The following RUNX3 variants were observed in gnomAD, a reference collection of about 807,000 sequenced individuals.
RUNX3 encodes the protein runt-related transcription factor 3.
A neutral mutation model predicts 27.7 loss-of-function variants in RUNX3; 10 were observed. That is an observed-to-expected ratio of 0.36 (90% CI 0.22 to 0.61). The LOEUF (loss-of-function observed/expected upper bound fraction) is 0.61. Among genes scored for constraint, RUNX3 ranks in the 20% least tolerant of loss-of-function variants. RUNX3 has a pLI of 0.72. For synonymous variants in RUNX3, 270 were observed against 269.2 expected (o/e 1.00, Z -0.03); for missense variants, 469 against 629.5 (o/e 0.75, Z 2.73).
intron 2 of RUNX3, among the ~76,000 whole-genome samples, chr1:24,937,294 C>T (rs1641369855): frequency 6.6e-6 from 1 of 152,212 alleles, no homozygotes; most frequent in South Asian, 2.1e-4. Flanking sequence ...GCCACCACTG[C>T]CTTGAACTTC....
chr1:24,932,394 C>G (rs1641252310), upstream of RUNX3, among the ~76,000 whole-genome samples: 2 of 151,508 alleles, frequency 1.3e-5, no homozygotes, highest in Admixed American at 6.6e-5. Context: ...CTGGCAGGCA[C>G]AGTGGCGGGA....
At position 24,906,468 on chromosome 1, in the gene RUNX3, G is replaced by A. The variant is rs181018737; in HGVS notation, c.703+791C>T. 6.6e-4 allele frequency among the ~76,000 whole-genome samples: 100 copies of A among 152,334 alleles called. No homozygotes were observed. In the Middle Eastern group the frequency reaches 0.01, roughly 16 times the overall value. On this transcript the variant is annotated intron_variant, in intron 4 of 4. Coordinates refer to ENST00000308873, the MANE Select transcript of RUNX3 (RefSeq NM_004350.3). Reference sequence around the variant, plus strand: ...TGGCACCCCACTTAGCCCAAGGGCCGGCTGTGCACACAGCCTCCCATGTCC... The same window carrying A: ...TGGCACCCCACTTAGCCCAAGGGCCAGCTGTGCACACAGCCTCCCATGTCC...
At chr1:24,964,758 A>G in intron 1 of RUNX3, 2 of 1,417,334 alleles carry the variant, frequency 1.4e-6, no homozygotes, top group Non-Finnish European at 1.9e-6. Context: ...ACGAAAAAGA[A>G]AAAAGGAAAG....
At chr1:24,935,199 A>G (rs1427318764), upstream of RUNX3, among the ~76,000 whole-genome samples, 3 of 152,214 alleles carry the variant, frequency 2.0e-5, no homozygotes, top group Non-Finnish European at 4.4e-5. Flanking sequence ...GGCCTCATAC[A>G]CTAGCACCCT....
chr1:24,926,229 C>T (rs1352781486), intron 2 of RUNX3, among the ~76,000 whole-genome samples: 1 of 152,222 alleles, frequency 6.6e-6, no homozygotes, highest in Non-Finnish European at 1.5e-5. Context: ...TGACTGTCCT[C>T]TCAGGGTTGG....
chr1:24,940,434 C>A (rs966548487), intron 2 of RUNX3, among the ~76,000 whole-genome samples: 2 of 152,188 alleles, frequency 1.3e-5, no homozygotes, highest in Admixed American at 1.3e-4. Flanking sequence ...CTCTCCAAAC[C>A]TCAGTTTCCT....
intron 2 of RUNX3, among the ~76,000 whole-genome samples, chr1:24,938,807 A>G (rs1641408035): frequency 6.6e-6 from 1 of 152,028 alleles, no homozygotes; most frequent in Admixed American, 6.5e-5. Flanking sequence ...CAGCCAGAAG[A>G]CACTGCCTTG....
At chr1:24,958,040 G>A (rs912031902) in intron 2 of RUNX3, among the ~76,000 whole-genome samples, 1 of 152,250 alleles carries the variant, frequency 6.6e-6, no homozygotes, top group Non-Finnish European at 1.5e-5. Context: ...AGAAAGAGCA[G>A]GAGGGTGAGA....
rs771588241 is a variant in RUNX3 at position 24,907,333 on chromosome 1, G to A, written c.629C>T (p.Pro210Leu). 12 of 1,613,582 alleles carry A rather than the reference G, an allele frequency of 7.4e-6. No homozygotes were observed. Among genetic ancestry groups the A allele is most frequent in the East Asian group, 6.7e-5 (3 of 44,894 alleles). Residue 210 changes from proline (P) to leucine (L), a missense_variant, in exon 4 of 5, where the codon CCG (proline) becomes CTG (leucine). Around this residue, in one of 3 missense-constraint regions of RUNX3, gnomAD observed 279 missense variants for 343.0 expected, o/e 0.81. Transcript: ENST00000308873. Reference sequence around the variant, plus strand: ...TGAGCCTCGGGGGCTGGGTGTGCTCGGTGTCACCCGCATGCGCAGCCGTTC... The same window carrying A: ...TGAGCCTCGGGGGCTGGGTGTGCTCAGTGTCACCCGCATGCGCAGCCGTTC... ...DLERLRMRVT[P>L]STPSPRGSLS... is the part of the protein sequence containing the mutation.
At chr1:24,924,737 T>C (rs1158887583) in intron 2 of RUNX3, among the ~76,000 whole-genome samples, 2 of 152,226 alleles carry the variant, frequency 1.3e-5, no homozygotes, top group Non-Finnish European at 2.9e-5. Flanking sequence ...ATAACATAGT[T>C]TGCAACTGCA....
chr1:24,908,133 T>TGACACGCGGTGATCCGAACCTCTAC (rs1640714083), intron 3 of RUNX3, among the ~76,000 whole-genome samples: 3 of 84,546 alleles, frequency 3.5e-5, no homozygotes, highest in South Asian at 4.4e-4. Context: ...CAAACCTCTA[T>TGACACGCGGTGATCCGAACCTCTAC]GACACGCGGT....
At chr1:24,953,001 C>T (rs1641805895) in intron 2 of RUNX3, among the ~76,000 whole-genome samples, 1 of 151,804 alleles carries the variant, frequency 6.6e-6, no homozygotes, top group African/African-American at 2.4e-5. Flanking sequence ...AAAATTTTTA[C>T]TATCTTTCTT....
intron 2 of RUNX3, among the ~76,000 whole-genome samples, chr1:24,954,128 A>C (rs565494179): frequency 3.3e-5 from 5 of 152,384 alleles, no homozygotes; most frequent in African/African-American, 1.2e-4. Context: ...GGCCTCACAC[A>C]TGGAGGAAAG....
chr1:24,946,026 G>A (rs899224997), intron 2 of RUNX3, among the ~76,000 whole-genome samples: 1 of 152,114 alleles, frequency 6.6e-6, no homozygotes, highest in African/African-American at 2.4e-5. Context: ...GCTTTAGGGG[G>A]GTTCCCAGAA....
intron 2 of RUNX3, among the ~76,000 whole-genome samples, chr1:24,941,164 C>G (rs1176255447): frequency 6.6e-6 from 1 of 152,196 alleles, no homozygotes; most frequent in Non-Finnish European, 1.5e-5. Context: ...CTGTCCTCAT[C>G]ATGGCAACCC....
At chr1:24,941,676 C>G (rs113938719) in intron 2 of RUNX3, among the ~76,000 whole-genome samples, 15 of 152,250 alleles carry the variant, frequency 9.9e-5, no homozygotes, top group African/African-American at 3.6e-4. Flanking sequence ...CACAGCGGAT[C>G]CCAAGGGACC....
intron 3 of RUNX3, among the ~76,000 whole-genome samples, chr1:24,907,947 CTAAACCT>C (rs1640703226): frequency 2.0e-5 from 3 of 151,882 alleles, no homozygotes; most frequent in African/African-American, 7.2e-5. Flanking sequence ...ACGCGGTGAT[CTAAACCT>C]CAACCACACG....
chr1:24,908,768 C>T (rs1640740688), intron 3 of RUNX3, among the ~76,000 whole-genome samples: 1 of 152,224 alleles, frequency 6.6e-6, no homozygotes, highest in Admixed American at 6.5e-5. Context: ...CTCCCAGCAT[C>T]CCAGCCTGCC....
At chr1:24,931,839 G>A (rs1641236870), upstream of RUNX3, among the ~76,000 whole-genome samples, 1 of 152,188 alleles carries the variant, frequency 6.6e-6, no homozygotes, top group African/African-American at 2.4e-5. Context: ...CGAAAGGAAG[G>A]ACGGCAAAGG....
Sources: gnomAD v4.1 joint callset for allele counts (sites outside exome capture counted in the v4.1 genomes callset) on GRCh38, gnomAD v4.1.1 for gene constraint, gnomAD v4.1.1 regional missense constraint, MANE v1.5 for transcripts, NCBI Gene and HGNC (gene_info 2026-07-23, HGNC 2026-07-21) for gene names.